Variants in DLG2 observed in about 807,000 individuals in gnomAD.
The protein encoded by DLG2 is disks large homolog 2.
In DLG2, 45 loss-of-function variants were observed where a neutral mutation model predicts 132.5. That is an observed-to-expected ratio of 0.34 (90% confidence interval 0.27 to 0.44). DLG2 has a LOEUF of 0.44. Among genes scored for constraint, DLG2 ranks in the 20% least tolerant of loss-of-function variants. The pLI, the probability that DLG2 is intolerant of heterozygous loss-of-function variation, is 1.00. For synonymous variants in DLG2, 424 were observed against 419.6 expected (o/e 1.01, Z -0.13); for missense variants, 1,045 against 1,196.9 (o/e 0.87, Z 1.87).
chr11:84,000,662 G>A (rs940691352), intron 11 of DLG2, among the ~76,000 whole-genome samples: 1 of 152,024 alleles, frequency 6.6e-6, no homozygotes, highest in Non-Finnish European at 1.5e-5. Context: ...ACTAAAATTG[G>A]TTTCTCAGTA....
chr11:84,180,314 T>G (rs1404240672), intron 8 of DLG2, among the ~76,000 whole-genome samples: 1 of 151,688 alleles, frequency 6.6e-6, no homozygotes, highest in African/African-American at 2.4e-5. Context: ...AACTTCCAAA[T>G]TGAAAAACAG....
At chr11:84,440,221 T>C (rs1183780768) in intron 7 of DLG2, among the ~76,000 whole-genome samples, 1 of 152,218 alleles carries the variant, frequency 6.6e-6, no homozygotes, top group Non-Finnish European at 1.5e-5. Flanking sequence ...TAATAACTAT[T>C]GTTTCTTAAA....
chr11:84,981,360 G>C (rs2055711323), intron 6 of DLG2, among the ~76,000 whole-genome samples: 1 of 152,148 alleles, frequency 6.6e-6, no homozygotes, highest in Admixed American at 6.5e-5. Context: ...ATGAGGAAGG[G>C]TCGTGACCGT....
chr11:84,977,193 G>A (rs909552793), intron 6 of DLG2, among the ~76,000 whole-genome samples: 6 of 152,080 alleles, frequency 3.9e-5, no homozygotes, highest in Non-Finnish European at 5.9e-5. Flanking sequence ...TAGTAACAAT[G>A]GCTGATCTGA....
At chr11:85,339,931 A>T (rs2082372232) in intron 3 of DLG2, among the ~76,000 whole-genome samples, 1 of 152,240 alleles carries the variant, frequency 6.6e-6, no homozygotes, top group Admixed American at 6.5e-5. Flanking sequence ...AATCAAAACC[A>T]CAATGAGATA....
intron 14 of DLG2, among the ~76,000 whole-genome samples, chr11:83,933,892 A>C (rs2080896416): frequency 6.6e-6 from 1 of 152,246 alleles, no homozygotes; most frequent in South Asian, 2.1e-4. Context: ...TAATGTGAAT[A>C]AAGGAGAAAA....
intron 6 of DLG2, among the ~76,000 whole-genome samples, chr11:84,883,818 G>A (rs2087767773): frequency 6.6e-6 from 1 of 152,098 alleles, no homozygotes; most frequent in African/African-American, 2.4e-5. Context: ...GCAATAGGGT[G>A]ATACTAAAAT....
intron 6 of DLG2, among the ~76,000 whole-genome samples, chr11:84,921,631 T>G (rs992916256): frequency 1.3e-5 from 2 of 152,118 alleles, no homozygotes; most frequent in Non-Finnish European, 2.9e-5. Context: ...AACAATGAAA[T>G]AGCAAAACAA....
At chr11:83,483,231 G>C in intron 22 of DLG2, 1 of 1,606,990 alleles carries the variant, frequency 6.2e-7, no homozygotes, top group Non-Finnish European at 8.5e-7. Flanking sequence ...AAAAGTTACA[G>C]TGACCATTCC....
At chr11:84,850,235 C>A (rs2082015921) in intron 6 of DLG2, among the ~76,000 whole-genome samples, 1 of 152,068 alleles carries the variant, frequency 6.6e-6, no homozygotes, top group Non-Finnish European at 1.5e-5. Flanking sequence ...TTTTCCAGAC[C>A]TAGCCCTTAA....
intron 3 of DLG2, among the ~76,000 whole-genome samples, chr11:85,295,210 T>A (rs1287077136): frequency 6.6e-6 from 1 of 152,130 alleles, no homozygotes; most frequent in Non-Finnish European, 1.5e-5. Context: ...AGATTTACCA[T>A]GTAAATTCTA....
At chr11:84,815,995 C>G (rs1326364365) in intron 6 of DLG2, among the ~76,000 whole-genome samples, 1 of 152,034 alleles carries the variant, frequency 6.6e-6, no homozygotes, top group East Asian at 1.9e-4. Flanking sequence ...AAACAACTTT[C>G]ATTTGTCCTG....
At chr11:85,580,644 G>A (rs1045937447) in intron 3 of DLG2, among the ~76,000 whole-genome samples, 2 of 152,172 alleles carry the variant, frequency 1.3e-5, no homozygotes, top group African/African-American at 4.8e-5. Flanking sequence ...AAGCAAAACT[G>A]GGGCATGGAA....
chr11:85,460,917 T>G (rs866666950), intron 3 of DLG2, among the ~76,000 whole-genome samples: 1 of 152,216 alleles, frequency 6.6e-6, no homozygotes, highest in African/African-American at 2.4e-5. Context: ...GGGTTGAGGT[T>G]TTGTATTTTC....
intron 10 of DLG2, among the ~76,000 whole-genome samples, chr11:84,080,428 T>C (rs752850482): frequency 3.9e-5 from 6 of 152,170 alleles, no homozygotes; most frequent in Non-Finnish European, 8.8e-5. Flanking sequence ...GATGCTGCAC[T>C]CTGAATGCTA....
chr11:84,100,384 C>T (rs1463433877), intron 9 of DLG2, among the ~76,000 whole-genome samples: 3 of 149,780 alleles, frequency 2.0e-5, no homozygotes, highest in Non-Finnish European at 3.0e-5. Flanking sequence ...AAAAGTCCCC[C>T]CAAATCCACA....
chr11:84,641,194 G>A (rs2099662766), intron 6 of DLG2, among the ~76,000 whole-genome samples: 2 of 152,058 alleles, frequency 1.3e-5, no homozygotes, highest in Admixed American at 6.5e-5. Context: ...CTGCCACACA[G>A]CTGCATATCC....
intron 19 of DLG2, among the ~76,000 whole-genome samples, chr11:83,588,884 G>T (rs1198102803): frequency 1.3e-5 from 2 of 151,928 alleles, no homozygotes; most frequent in Non-Finnish European, 2.9e-5. Context: ...GGAAGAAAGG[G>T]TATCAGTGAT....
chr11:84,284,575 G>A (rs1218072711), intron 7 of DLG2, among the ~76,000 whole-genome samples: 4 of 152,226 alleles, frequency 2.6e-5, no homozygotes, highest in Non-Finnish European at 5.9e-5. Flanking sequence ...GGGACCCCAG[G>A]TCTTGTTTGC....
Sources: allele counts gnomAD v4.1 joint callset (sites outside exome capture counted in the v4.1 genomes callset), GRCh38; gene constraint gnomAD v4.1.1; transcripts MANE v1.5; gene names NCBI Gene and HGNC (gene_info 2026-07-23, HGNC 2026-07-21).